Variants in CDKAL1 observed in about 807,000 individuals in gnomAD.
The protein encoded by CDKAL1 is CDKAL1 threonylcarbamoyladenosine tRNA methylthiotransferase, also known as threonylcarbamoyladenosine tRNA methylthiotransferase.
In CDKAL1, 32 loss-of-function variants were observed where a neutral mutation model predicts 68.2. The observed-to-expected ratio is 0.47, with a 90% CI of 0.35 to 0.63. The LOEUF (loss-of-function observed/expected upper bound fraction) is 0.63, where lower values mean the gene tolerates loss of function less well. Among genes scored for constraint, CDKAL1 ranks in the 30% least tolerant of loss-of-function variants. The pLI is 0.00. For missense variants in CDKAL1, 606 were observed against 696.7 expected, an observed-to-expected ratio of 0.87 and a Z score of 1.47; for synonymous variants, 234 against 244.3, an observed-to-expected ratio of 0.96 and a Z score of 0.39.
At chr6:20,904,743 T>G (rs1037980877) in intron 9 of CDKAL1, among the ~76,000 whole-genome samples, 3 of 151,192 alleles carry the variant, frequency 2.0e-5, no homozygotes, top group Non-Finnish European at 4.4e-5. Flanking sequence ...GAGCCGAGAT[T>G]GCGGCATTGC....
At chr6:20,613,365 T>A (rs996515432) in intron 4 of CDKAL1, among the ~76,000 whole-genome samples, 3 of 145,898 alleles carry the variant, frequency 2.1e-5, no homozygotes, top group African/African-American at 7.5e-5. Context: ...ACCTCCGCCT[T>A]CCAGGTTCAA....
chr6:20,678,826 T>A (rs1770243191), intron 5 of CDKAL1, among the ~76,000 whole-genome samples: 1 of 152,190 alleles, frequency 6.6e-6, no homozygotes, highest in South Asian at 2.1e-4. Context: ...TAAAGTGTTA[T>A]TTAGGAAGTT....
intron 10 of CDKAL1, among the ~76,000 whole-genome samples, chr6:20,987,155 A>G (rs1462821617): frequency 1.3e-5 from 2 of 152,194 alleles, no homozygotes; most frequent in African/African-American, 4.8e-5. Context: ...GTGGAAATCA[A>G]GATGCCTTAA....
intron 13 of CDKAL1, among the ~76,000 whole-genome samples, chr6:21,156,674 G>A (rs1362935260): frequency 6.6e-6 from 1 of 152,130 alleles, no homozygotes; most frequent in Admixed American, 6.6e-5. Context: ...AGGTTTAGAA[G>A]GAAGAACGAT....
chr6:20,775,181 G>T (rs72832338), intron 7 of CDKAL1, among the ~76,000 whole-genome samples: 5 of 151,844 alleles, frequency 3.3e-5, no homozygotes, highest in Non-Finnish European at 7.4e-5. Flanking sequence ...TCTCCTCGGT[G>T]GCCTCATGTC....
intron 4 of CDKAL1, among the ~76,000 whole-genome samples, chr6:20,648,520 G>T (rs1768596206): frequency 6.7e-6 from 1 of 150,322 alleles, no homozygotes; most frequent in Non-Finnish European, 1.5e-5. Flanking sequence ...TTCTTCCTAG[G>T]TGGAGAATCT....
At chr6:20,965,925 A>G (rs571726011) in intron 10 of CDKAL1, among the ~76,000 whole-genome samples, 2 of 152,332 alleles carry the variant, frequency 1.3e-5, no homozygotes, top group East Asian at 3.9e-4. Context: ...CAATCCACGT[A>G]GTTTCCTTTA....
chr6:20,856,464 A>G (rs1759344461), intron 9 of CDKAL1, among the ~76,000 whole-genome samples: 1 of 152,202 alleles, frequency 6.6e-6, no homozygotes, highest in Non-Finnish European at 1.5e-5. Context: ...TTGATTTTAT[A>G]ACACCAGATA....
At chr6:20,675,202 T>C (rs1300638081) in intron 5 of CDKAL1, among the ~76,000 whole-genome samples, 1 of 152,198 alleles carries the variant, frequency 6.6e-6, no homozygotes, top group Non-Finnish European at 1.5e-5. Flanking sequence ...GTGTTATACT[T>C]GCTTCATTTA....
intron 11 of CDKAL1, among the ~76,000 whole-genome samples, chr6:21,040,880 CT>C (rs1769884495): frequency 1.3e-5 from 2 of 152,092 alleles, no homozygotes; most frequent in South Asian, 4.2e-4. Flanking sequence ...CCACATCTGC[CT>C]TTTTGCCCAC....
At chr6:20,708,145 A>G (rs1405163835) in intron 5 of CDKAL1, among the ~76,000 whole-genome samples, 1 of 152,224 alleles carries the variant, frequency 6.6e-6, no homozygotes, top group East Asian at 1.9e-4. Context: ...AAGTTGTTAA[A>G]CAATTCAGTG....
At chr6:21,011,369 G>A (rs933197612) in intron 11 of CDKAL1, among the ~76,000 whole-genome samples, 18 of 152,022 alleles carry the variant, frequency 1.2e-4, no homozygotes, top group African/African-American at 4.3e-4. Flanking sequence ...GGGTAATAGA[G>A]CGAGACTCTG....
chr6:20,607,178 T>C (rs1039867392), intron 4 of CDKAL1, among the ~76,000 whole-genome samples: 1 of 152,246 alleles, frequency 6.6e-6, no homozygotes, highest in East Asian at 1.9e-4. Context: ...AAGTAGTTTT[T>C]AGAAGTAGTT....
chr6:20,769,919 G>A (rs1774867273), intron 7 of CDKAL1, among the ~76,000 whole-genome samples: 1 of 152,120 alleles, frequency 6.6e-6, no homozygotes, highest in South Asian at 2.1e-4. Flanking sequence ...CTGTGAAGCT[G>A]TTAATATTGA....
chr6:21,035,087 A>C, intron 11 of CDKAL1, among the ~76,000 whole-genome samples: 1 of 152,140 alleles, frequency 6.6e-6, no homozygotes, highest in Non-Finnish European at 1.5e-5. Flanking sequence ...TGCTATGGAA[A>C]TATTTATTAA....
At chr6:20,886,701 A>G (rs1761083256) in intron 9 of CDKAL1, among the ~76,000 whole-genome samples, 1 of 152,230 alleles carries the variant, frequency 6.6e-6, no homozygotes, top group African/African-American at 2.4e-5. Flanking sequence ...ATTCATGGAG[A>G]CAAGAAGTAG....
At chr6:21,191,752 G>T in intron 13 of CDKAL1, among the ~76,000 whole-genome samples, 1 of 114,118 alleles carries the variant, frequency 8.8e-6, no homozygotes, top group Non-Finnish European at 1.8e-5. Flanking sequence ...TGCCTTTGTG[G>T]TTTTCATTAA....
chr6:21,065,301 A>G (rs1771374038), intron 12 of CDKAL1, 73 bp downstream of exon 12: 5 of 1,157,790 alleles, frequency 4.3e-6, no homozygotes, highest in Middle Eastern at 1.9e-4. Flanking sequence ...GCCTACCTTC[A>G]CACAACTTGC....
rs889558732 is a variant in CDKAL1 at position 20,539,134 on chromosome 6, G to A, written c.-6+3740G>A. On this transcript the variant is annotated intron_variant, in intron 2 of 15. Coordinates refer to ENST00000274695, the MANE Select transcript of CDKAL1 (RefSeq NM_017774.3). The surrounding 1 kb of genome is among the most constrained non-coding windows in gnomAD (Gnocchi z 4.3). ...GCCTCTCCGAGGAGATGTTGTTTGA[G>A]TGAAGAAGTGGGTGGGAAGACATAC... Among the ~76,000 whole-genome samples, 1 of 152,166 alleles carries A rather than the reference G, an allele frequency of 6.6e-6. No individual in the cohort carries two copies. Among genetic ancestry groups the A allele is most frequent in the Non-Finnish European group, 1.5e-5 (1 of 68,030 alleles).
Sources: gnomAD v4.1 joint callset for allele counts (sites outside exome capture counted in the v4.1 genomes callset) on GRCh38, gnomAD v4.1.1 for gene constraint, Gnocchi (gnomAD v3.1) non-coding constraint, MANE v1.5 for transcripts, NCBI Gene and HGNC (gene_info 2026-07-23, HGNC 2026-07-21) for gene names.